CNTNAP3: variants seen among roughly 807,000 people sequenced by gnomAD.
CNTNAP3 encodes the protein contactin associated protein family member 3, also known as contactin-associated protein-like 3.
Under a neutral mutation model 92.1 loss-of-function variants are expected in CNTNAP3, and 36 were observed. The observed-to-expected ratio is 0.39, with a 90% CI of 0.30 to 0.52. The LOEUF is 0.52. Among genes scored for constraint, CNTNAP3 ranks in the 20% least tolerant of loss-of-function variants. The pLI is 0.76. For missense variants in CNTNAP3, 534 were observed against 1,069.6 expected, an observed-to-expected ratio of 0.50 and a Z score of 6.98; for synonymous variants, 232 against 422.3, an observed-to-expected ratio of 0.55 and a Z score of 5.53.
intron 21 of CNTNAP3, among the ~76,000 whole-genome samples, chr9:39,080,880 C>T (rs1349152176): frequency 4.3e-5 from 6 of 138,432 alleles, no homozygotes; most frequent in African/African-American, 8.0e-5. Context: ...TTGGCCAGGA[C>T]GGTCTCGATC....
rs1413562091 is a variant in CNTNAP3 at position 39,096,255 on chromosome 9, AGTG to A, written c.2995+3653_2995+3655del. Among the ~76,000 whole-genome samples, 9 of 138,032 alleles carry A rather than the reference AGTG, an allele frequency of 6.5e-5. 1 individual carries two copies. Among genetic ancestry groups the A allele is most frequent in the Non-Finnish European group, 1.6e-5 (1 of 63,090 alleles). The allele number at this position is 138,032 out of a possible 152,430, so 90.6% of individuals were successfully genotyped here. ...AATTACCTGCACACTTACCTTTATT[AGTG>A]CTATTTGTTTTTTGTGTGTAGATTC... On this transcript the variant is annotated intron_variant, in intron 18 of 23. Transcript: ENST00000297668.
intron 18 of CNTNAP3, among the ~76,000 whole-genome samples, chr9:39,093,508 C>A (rs1030249367): frequency 3.3e-5 from 5 of 151,182 alleles, no homozygotes; most frequent in Non-Finnish European, 7.4e-5. Context: ...AAACTGTATT[C>A]ATTAAGCAAT....
In CNTNAP3 at chr9:39,086,733, C is replaced by T. The variant is rs1363844154; in HGVS notation, c.3337G>A (p.Ala1113Thr). Residue 1113 changes from alanine (A) to threonine (T), a missense_variant, in exon 20 of 24, where the codon GCT (alanine) becomes ACT (threonine). Transcript: ENST00000297668. ...GGGATTACCTCTACCATGACCACAGCTTCTTCTCTGTTAATCTTCACTTGG... is the reference window on the plus strand; with the variant it reads ...GGGATTACCTCTACCATGACCACAGTTTCTTCTCTGTTAATCTTCACTTGG... ...LHQVKINREE[A>T]VVMVEVNQST... is the part of the protein sequence containing the mutation. The T allele has an allele frequency of 6.2e-7, 1 of 1,610,880 alleles. No homozygotes were observed. The highest frequency in any genetic ancestry group is 1.7e-5 in the Admixed American group (1 of 59,898).
intron 13 of CNTNAP3, among the ~76,000 whole-genome samples, chr9:39,129,662 TA>T (rs1001857513): frequency 1.3e-5 from 2 of 152,062 alleles, no homozygotes; most frequent in African/African-American, 2.4e-5. Flanking sequence ...ACTTTTGCTC[TA>T]AAAAATTCCA....
chr9:39,114,474 A>C (rs1337783388), intron 14 of CNTNAP3, among the ~76,000 whole-genome samples: 1 of 152,154 alleles, frequency 6.6e-6, no homozygotes, highest in Non-Finnish European at 1.5e-5. Context: ...GATAGAGTTC[A>C]AGTTTATCCC....
intron 12 of CNTNAP3, among the ~76,000 whole-genome samples, chr9:39,137,284 A>G (rs1821462387): frequency 6.6e-6 from 1 of 151,640 alleles, no homozygotes; most frequent in Middle Eastern, 3.2e-3. Context: ...TGCCTGGTCT[A>G]CTAATAAGCC....
intron 18 of CNTNAP3, among the ~76,000 whole-genome samples, chr9:39,099,189 C>T (rs1327737624): frequency 2.6e-5 from 4 of 151,978 alleles, no homozygotes; most frequent in South Asian, 4.1e-4. Flanking sequence ...TTCCTGACCT[C>T]GTGATCCGCC....
At chr9:39,077,490 G>A (rs1357616176) in intron 23 of CNTNAP3, among the ~76,000 whole-genome samples, 1 of 152,128 alleles carries the variant, frequency 6.6e-6, no homozygotes, top group Non-Finnish European at 1.5e-5. Context: ...CCGGGAGGCG[G>A]AGCTTGCAGT....
At position 39,140,505 on chromosome 9, in the gene CNTNAP3, G is replaced by A. The variant is rs775747071; in HGVS notation, c.1876+14C>T. ...GTCTATTCTGATATATGCATATAACGATTATCAACATACCTGTCATATTGC... is the reference window on the plus strand; with the variant it reads ...GTCTATTCTGATATATGCATATAACAATTATCAACATACCTGTCATATTGC... On this transcript the variant is annotated intron_variant, in intron 12 of 23. Transcript: ENST00000297668. The A allele has an allele frequency of 7.4e-6, 12 of 1,612,840 alleles. No homozygotes were observed. The East Asian group carries it at 2.5e-4, about 33-fold the overall frequency.
intron 18 of CNTNAP3, among the ~76,000 whole-genome samples, chr9:39,096,887 G>A (rs1826338666): frequency 6.8e-6 from 1 of 147,448 alleles, no homozygotes; most frequent in Admixed American, 6.7e-5. Flanking sequence ...GTATTTCACT[G>A]AGTTTCTGTA....
At chr9:39,104,511 C>T (rs1378499670) in intron 15 of CNTNAP3, among the ~76,000 whole-genome samples, 2 of 148,884 alleles carry the variant, frequency 1.3e-5, no homozygotes, top group African/African-American at 4.9e-5. Context: ...CACACACACA[C>T]ACACACACAC....
At chr9:39,090,239 T>C (rs1826160979) in intron 18 of CNTNAP3, among the ~76,000 whole-genome samples, 1 of 152,202 alleles carries the variant, frequency 6.6e-6, no homozygotes, top group Non-Finnish European at 1.5e-5. Flanking sequence ...ACGCACAGCA[T>C]CTTATTCAGT....
chr9:39,075,966 C>T (rs1825750890), intron 23 of CNTNAP3, among the ~76,000 whole-genome samples: 1 of 152,304 alleles, frequency 6.6e-6, no homozygotes, highest in African/African-American at 2.4e-5. Flanking sequence ...ATTTAAAGTA[C>T]TTCACACAAA....
Position 39,065,024 on chromosome 9 carries a change from T to C in CNTNAP3, c.*8866A>G, listed in dbSNP as rs1343276376. Among the ~76,000 whole-genome samples, 1 of 152,312 alleles carries C rather than the reference T, an allele frequency of 6.6e-6. No individual in the cohort carries two copies. Among genetic ancestry groups the C allele is most frequent in the East Asian group, 1.9e-4 (1 of 5,208 alleles). ...TGAAGTATAATTTATATACAAAATA[T>C]ACAAATTCCAAATATGAAATTCAGA... On this transcript the variant is annotated 3_prime_UTR_variant, in exon 24 of 24. Transcript: ENST00000297668.
At chr9:39,143,099 G>C in intron 11 of CNTNAP3, among the ~76,000 whole-genome samples, 1 of 151,926 alleles carries the variant, frequency 6.6e-6, no homozygotes, top group Non-Finnish European at 1.5e-5. Flanking sequence ...GAAAAAAAAG[G>C]CTTTTCAGAT....
intron 15 of CNTNAP3, among the ~76,000 whole-genome samples, chr9:39,104,473 C>T (rs1587708929): frequency 8.1e-6 from 1 of 123,040 alleles, no homozygotes; most frequent in Non-Finnish European, 1.7e-5. Context: ...CCTGCACATA[C>T]ACATACACAC....
chr9:39,133,152 A>G lies in CNTNAP3; in HGVS notation c.1877-17T>C, dbSNP rs143310488. 2.6e-3 allele frequency: 4,094 copies of G among 1,567,058 alleles called. 89 individuals carry two copies. The African/African-American group carries it at 0.045, about 17-fold the overall frequency. On this transcript the variant is annotated splice_polypyrimidine_tract_variant and intron_variant, in intron 12 of 23. Transcript: ENST00000297668. ...CGGCGTCTGCTGAGCAGAAACGGGC[A>G]AAGGAGAGGCATCACTGGACGGCAG...
rs1399249192 is a variant in CNTNAP3 at position 39,067,524 on chromosome 9, A to T, written c.*6366T>A. 2.0e-5 allele frequency among the ~76,000 whole-genome samples: 3 copies of T among 152,282 alleles called. No homozygotes were observed. The South Asian group carries it at 6.2e-4, about 32-fold the overall frequency. ...GCCATTCTCCTGCCCCAGCCTCCCG[A>T]GTAGCTGGGACTTCAGGCGCCCAAC... On this transcript the variant is annotated 3_prime_UTR_variant, in exon 24 of 24. Coordinates refer to ENST00000297668, the MANE Select transcript of CNTNAP3 (RefSeq NM_033655.5).
chr9:39,136,471 TTG>T, intron 12 of CNTNAP3, among the ~76,000 whole-genome samples: 1 of 152,248 alleles, frequency 6.6e-6, no homozygotes, highest in South Asian at 2.1e-4. Flanking sequence ...AGGTTTTGTT[TTG>T]TTTTGTTTTC....
Sources: gnomAD v4.1 joint callset for allele counts (sites outside exome capture counted in the v4.1 genomes callset) on GRCh38, gnomAD v4.1.1 for gene constraint, MANE v1.5 for transcripts, NCBI Gene and HGNC (gene_info 2026-07-23, HGNC 2026-07-21) for gene names.